Variants in LONP1 observed in about 807,000 individuals in gnomAD.
The protein encoded by LONP1 is lon peptidase 1, mitochondrial, also known as lon protease homolog, mitochondrial.
LONP1 carries 31 observed loss-of-function variants against 98.5 expected under a neutral mutation model. That is an observed-to-expected ratio of 0.31 (90% CI 0.24 to 0.42). LONP1 has a LOEUF of 0.42. LONP1 is among the 20% of genes least tolerant of loss of function. The pLI is 1.00. For synonymous variants in LONP1, 781 were observed against 594.7 expected (o/e 1.31, Z -4.56); for missense variants, 1,336 against 1,350.6 (o/e 0.99, Z 0.17).
chr19:5,695,707 G>A (rs2054913455), intron 13 of LONP1, among the ~76,000 whole-genome samples: 2 of 151,458 alleles, frequency 1.3e-5, no homozygotes, highest in African/African-American at 2.4e-5. Context: ...CTGGGTGGGA[G>A]CCACAGGCCC....
rs2145579901 is a variant in LONP1 at position 5,694,750 on chromosome 19, T to C, written c.2154+11A>G. 1 of 1,584,702 alleles carries C rather than the reference T, an allele frequency of 6.3e-7. No individual in the cohort carries two copies. Among genetic ancestry groups the C allele is most frequent in the Non-Finnish European group, 8.6e-7 (1 of 1,157,406 alleles). On this transcript the variant is annotated intron_variant, in intron 14 of 17. Coordinates refer to ENST00000360614, the MANE Select transcript of LONP1 (RefSeq NM_004793.4). ...GGCGGCAGGTGCCAGGAGGGCGGGCTGGCCGCTCACCTTCTCCACTTGCTT... is the reference window on the plus strand; with the variant it reads ...GGCGGCAGGTGCCAGGAGGGCGGGCCGGCCGCTCACCTTCTCCACTTGCTT...
chr19:5,697,540 GGGA>G (rs1373330130), intron 10 of LONP1, among the ~76,000 whole-genome samples: 1 of 139,318 alleles, frequency 7.2e-6, no homozygotes, highest in Admixed American at 7.3e-5. Flanking sequence ...AGGGGGAAGA[GGGA>G]GGAGATGGAG....
At chr19:5,694,329 C>T (rs2054884576) in intron 15 of LONP1, 58 bp downstream of exon 15, 2 of 1,596,758 alleles carry the variant, frequency 1.3e-6, no homozygotes, top group African/African-American at 1.3e-5. Flanking sequence ...GTGGGACCTG[C>T]TTGTTCTCGG....
At chr19:5,720,230 G>A (rs2055420101), upstream of LONP1, 6 of 1,376,504 alleles carry the variant, frequency 4.4e-6, no homozygotes, top group Non-Finnish European at 5.6e-6. Flanking sequence ...CGATGGGCGC[G>A]TGGCTCGAAA....
At chr19:5,699,621 G>A (rs964948860) in intron 9 of LONP1, among the ~76,000 whole-genome samples, 11 of 147,450 alleles carry the variant, frequency 7.5e-5, no homozygotes, top group Middle Eastern at 3.5e-3. Flanking sequence ...GTACTGGTGC[G>A]ATCTCATCTC....
At chr19:5,709,726 G>A (rs894106953) in intron 4 of LONP1, among the ~76,000 whole-genome samples, 12 of 151,724 alleles carry the variant, frequency 7.9e-5, no homozygotes, top group African/African-American at 1.9e-4. Flanking sequence ...TGGCTAACAC[G>A]GTGAAACCCC....
chr19:5,706,290 C>T (rs565438220), intron 7 of LONP1, among the ~76,000 whole-genome samples: 2 of 152,268 alleles, frequency 1.3e-5, no homozygotes, highest in Admixed American at 1.3e-4. Context: ...GCACCTGCCA[C>T]ACCTGGCTCT....
chr19:5,708,252 G>C (rs1223671330), intron 5 of LONP1, 90 bp downstream of exon 5: 31 of 1,315,400 alleles, frequency 2.4e-5, no homozygotes, highest in Middle Eastern at 2.1e-4. Flanking sequence ...TTCCTCCCAG[G>C]AGGACGCTGA....
Position 5,693,426 on chromosome 19 carries a change from T to G in LONP1, c.2575A>C (p.Thr859Pro), listed in dbSNP as rs1599442653. The G allele has an allele frequency of 1.2e-6, 2 of 1,612,412 alleles. No homozygotes were observed. The highest frequency in any genetic ancestry group is 2.2e-5 in the East Asian group (1 of 44,828). Residue 859 changes from threonine to proline, a missense_variant, in exon 17 of 18, where the codon ACC becomes CCC. This residue lies in a region of LONP1 where 555 missense variants were observed against 542.6 expected (regional missense o/e 1.02). Transcript: ENST00000360614. The part of the protein sequence containing the change: ...TPKDGPSAGC[T>P]IVTALLSLAM... ...AGGGACAGCAGGGCCGTGACGATGG[T>G]GCAGCCTGCGCTTGGGCCGTCCTTG...
chr19:5,700,270 C>T (rs1178447467), intron 9 of LONP1, among the ~76,000 whole-genome samples: 6 of 152,172 alleles, frequency 3.9e-5, no homozygotes, highest in South Asian at 4.1e-4. Context: ...TGCGCCACCA[C>T]GCCTAACTAA....
rs143098888 is a variant in LONP1 at position 5,700,743 on chromosome 19, C to T, written c.1506+46G>A. 3.4e-5 allele frequency: 55 copies of T among 1,609,122 alleles called. No individual in the cohort carries two copies. In the African/African-American group the frequency reaches 5.6e-4, roughly 16 times the overall value. On this transcript the variant is annotated intron_variant, in intron 9 of 17. Coordinates refer to ENST00000360614, the MANE Select transcript of LONP1 (RefSeq NM_004793.4). ...CCACAGCACACAAGAGTCCTGGGCCCGGGCACCCACATGCAAATCCACAAC... is the reference window on the plus strand; with the variant it reads ...CCACAGCACACAAGAGTCCTGGGCCTGGGCACCCACATGCAAATCCACAAC...
intron 13 of LONP1, among the ~76,000 whole-genome samples, chr19:5,695,433 C>G (rs900732780): frequency 3.3e-5 from 5 of 152,062 alleles, no homozygotes; most frequent in African/African-American, 1.2e-4. Flanking sequence ...GGTCCCCATG[C>G]CCCCCAGTCC....
rs1451261836 is a variant in LONP1 at position 5,696,065 on chromosome 19, C to T, written c.2002G>A (p.Ala668Thr). 1 of 1,612,344 alleles carries T rather than the reference C, an allele frequency of 6.2e-7. No individual in the cohort carries two copies. Among genetic ancestry groups the T allele is most frequent in the Non-Finnish European group, 8.5e-7 (1 of 1,179,820 alleles). ...VSGYVAQEKL[A>T]IAERYLVPQA... ...GGGGCTGGGCTTACCTCCGCAATGGCCAGCTTCTCCTGGGCCACGTAGCCC... is the reference window on the plus strand; with the variant it reads ...GGGGCTGGGCTTACCTCCGCAATGGTCAGCTTCTCCTGGGCCACGTAGCCC... Residue 668 changes from alanine to threonine, a missense_variant, in exon 13 of 18, where the codon GCC becomes ACC. This residue lies in a region of LONP1 where 555 missense variants were observed against 542.6 expected (regional missense o/e 1.02). Coordinates refer to ENST00000360614, the MANE Select transcript of LONP1 (RefSeq NM_004793.4).
intron 4 of LONP1, 89 bp from the exon 5 acceptor site, chr19:5,708,492 C>T (rs2055184384): frequency 1.7e-6 from 2 of 1,206,506 alleles, no homozygotes; most frequent in Non-Finnish European, 2.4e-6. Flanking sequence ...GAGCCCCACC[C>T]ACCAGCTCCA....
At chr19:5,711,707 GA>G in intron 4 of LONP1, 63 bp downstream of exon 4, 2 of 1,381,694 alleles carry the variant, frequency 1.4e-6, no homozygotes, top group Non-Finnish European at 1.0e-6. Flanking sequence ...GAGGCCGCAG[GA>G]ACGGCTCAAG....
chr19:5,716,277 T>C (rs986550211), intron 1 of LONP1, among the ~76,000 whole-genome samples: 1 of 91,128 alleles, frequency 1.1e-5, no homozygotes, highest in Non-Finnish European at 2.6e-5. Flanking sequence ...TATATATATA[T>C]ATATATATAT....
chr19:5,696,407 T>A, intron 11 of LONP1, 36 bp from the exon 12 acceptor site: 1 of 1,605,236 alleles, frequency 6.2e-7, no homozygotes, highest in Non-Finnish European at 8.5e-7. Context: ...CCCCTCGCCG[T>A]GCCCCTGGCC....
intron 17 of LONP1, 85 bp downstream of exon 17, chr19:5,693,213 G>T: frequency 6.7e-7 from 1 of 1,498,130 alleles, no homozygotes; most frequent in Non-Finnish European, 9.1e-7. Flanking sequence ...CTTGGCCCAG[G>T]CAGAGGTTGC....
At chr19:5,710,544 G>T (rs2055221111) in intron 4 of LONP1, among the ~76,000 whole-genome samples, 1 of 151,750 alleles carries the variant, frequency 6.6e-6, no homozygotes, top group Admixed American at 6.6e-5. Context: ...CCATGCCCAG[G>T]GATTTTATTT....
Sources: allele counts gnomAD v4.1 joint callset (sites outside exome capture counted in the v4.1 genomes callset), GRCh38; gene constraint gnomAD v4.1.1; regional missense constraint gnomAD v4.1.1; transcripts MANE v1.5; gene names NCBI Gene and HGNC (gene_info 2026-07-23, HGNC 2026-07-21).